Variants in FREM1 observed in about 807,000 individuals in gnomAD.
FREM1 encodes the protein FRAS1-related extracellular matrix protein 1.
Under a neutral mutation model 210.1 loss-of-function variants are expected in FREM1, and 220 were observed. That is an observed-to-expected ratio of 1.05 (90% CI 0.94 to 1.17). FREM1 has a LOEUF of 1.17. FREM1 is among the 50% of genes most tolerant of loss of function. The pLI, the probability that FREM1 is intolerant of heterozygous loss-of-function variation, is 0.00. For missense variants in FREM1, 3,454 were observed against 2,675.5 expected (o/e 1.29, Z -6.42); for synonymous variants, 1,189 against 980.2 (o/e 1.21, Z -3.98).
At position 14,881,053 on chromosome 9, in the gene FREM1, C is replaced by G. The variant is rs564647330; in HGVS notation, c.-267-11809G>C. Among the ~76,000 whole-genome samples the G allele has an allele frequency of 8.5e-5, 13 of 152,268 alleles. No homozygotes were observed. In the South Asian group the frequency reaches 2.7e-3, roughly 32 times the overall value. On this transcript the variant is annotated intron_variant, in intron 1 of 36. Coordinates refer to ENST00000380880, the MANE Select transcript of FREM1 (RefSeq NM_001379081.2). ...TGGGATTTCACCCAACAGTTATCTC[C>G]AAATGGTTGGTCAGCAGTGTGTTTC...
chr9:14,896,327 C>T (rs1176418156), intron 1 of FREM1, among the ~76,000 whole-genome samples: 15 of 152,004 alleles, frequency 9.9e-5, no homozygotes, highest in Admixed American at 2.0e-4. Context: ...GGGCAGATCA[C>T]GAGGTCAGGA....
intron 1 of FREM1, among the ~76,000 whole-genome samples, chr9:14,902,803 T>G (rs558832537): frequency 2.6e-5 from 4 of 152,328 alleles, no homozygotes; most frequent in African/African-American, 7.2e-5. Flanking sequence ...CAGAGTATAT[T>G]ACAAACTGAT....
intron 27 of FREM1, among the ~76,000 whole-genome samples, chr9:14,766,586 T>C (rs1023085912): frequency 6.6e-6 from 1 of 152,156 alleles, no homozygotes; most frequent in African/African-American, 2.4e-5. Flanking sequence ...GTGGAGCATC[T>C]ATTCATCCTT....
intron 21 of FREM1, among the ~76,000 whole-genome samples, chr9:14,795,437 GA>G (rs1326412635): frequency 6.6e-6 from 1 of 152,190 alleles, no homozygotes; most frequent in Non-Finnish European, 1.5e-5. Flanking sequence ...TGAAAAGGGA[GA>G]GACTGAAGAT....
At chr9:14,748,801 A>C (rs896365126) in intron 30 of FREM1, among the ~76,000 whole-genome samples, 162 bp from the exon 31 acceptor site, 1 of 152,172 alleles carries the variant, frequency 6.6e-6, no homozygotes, top group Admixed American at 6.5e-5. Context: ...TTTACTCTTC[A>C]TCAGTTTACA....
chr9:14,872,743 T>G (rs985408339), intron 1 of FREM1, among the ~76,000 whole-genome samples: 7 of 151,078 alleles, frequency 4.6e-5, no homozygotes, highest in African/African-American at 7.3e-5. Flanking sequence ...CCCTGTCCTG[T>G]GCCAGTTTTC....
At chr9:14,778,519 G>A (rs893370779) in intron 24 of FREM1, among the ~76,000 whole-genome samples, 1 of 145,346 alleles carries the variant, frequency 6.9e-6, no homozygotes. Flanking sequence ...GAGGTGGAAG[G>A]ATCACTTGAT....
At chr9:14,743,988 G>A (rs560102005) in intron 35 of FREM1, among the ~76,000 whole-genome samples, 5 of 152,044 alleles carry the variant, frequency 3.3e-5, no homozygotes, top group East Asian at 1.9e-4. Flanking sequence ...TCTTAATGAC[G>A]GAAGAATGTC....
chr9:14,797,672 T>A (rs1375924438), intron 20 of FREM1, 30 bp from the exon 21 acceptor site: 1 of 1,578,100 alleles, frequency 6.3e-7, no homozygotes, highest in Non-Finnish European at 8.7e-7. Context: ...TAAGTAAATC[T>A]TCCTTATGAT....
chr9:14,897,692 G>A (rs1264850778), intron 1 of FREM1, among the ~76,000 whole-genome samples: 9 of 151,884 alleles, frequency 5.9e-5, no homozygotes, highest in Non-Finnish European at 1.2e-4. Flanking sequence ...CTGGGCACAA[G>A]CAATCCTCCC....
chr9:14,896,331 G>A (rs1300530449), intron 1 of FREM1, among the ~76,000 whole-genome samples: 2 of 152,240 alleles, frequency 1.3e-5, no homozygotes, highest in African/African-American at 4.8e-5. Flanking sequence ...AGATCACGAG[G>A]TCAGGAGTTC....
intron 1 of FREM1, among the ~76,000 whole-genome samples, chr9:14,891,464 T>C (rs1271354080): frequency 6.6e-6 from 1 of 152,122 alleles, no homozygotes; most frequent in Admixed American, 6.5e-5. Context: ...CAGGGGAACA[T>C]GTCTGTAGTC....
In FREM1 at chr9:14,859,484, T is replaced by G. The variant is rs1461515390; in HGVS notation, c.330A>C (p.Arg110Ser). 6.2e-7 allele frequency: 1 copy of G among 1,610,552 alleles called. No individual in the cohort carries two copies. Among genetic ancestry groups the G allele is most frequent in the Admixed American group, 1.7e-5 (1 of 59,784 alleles). ...CTATGAAGGTATCTCTTTCAGTAAA[T>G]CTGTGGAGAACACAGGGCAAAAGCA... ...DEDTVKLRLY[R>S]FTERDTFIET... The change falls in exon 4 of 37, where the codon AGA becomes AGC. Residue 110 changes from arginine to serine, a missense_variant and splice_region_variant. Physicochemically the swap from Arg to Ser is moderately radical, Grantham distance 110. Coordinates refer to ENST00000380880, the MANE Select transcript of FREM1 (RefSeq NM_001379081.2).
At chr9:14,770,464 T>C in intron 26 of FREM1, 141 bp downstream of exon 26, 1 of 627,600 alleles carries the variant, frequency 1.6e-6, no homozygotes, top group South Asian at 2.1e-5. Context: ...TTAGGAGCAA[T>C]ATTGATTTAT....
Position 14,773,761 on chromosome 9 carries a change from G to A in FREM1, c.4857+2028C>T, listed in dbSNP as rs141517598. Among the ~76,000 whole-genome samples, 713 of 152,130 alleles carry A rather than the reference G, an allele frequency of 4.7e-3. 17 individuals carry two copies. Among genetic ancestry groups the A allele is most frequent in the Admixed American group, 0.035 (542 of 15,276 alleles). On this transcript the variant is annotated intron_variant, in intron 25 of 36. Transcript: ENST00000380880. ...GCTCTTTAAGATGAGTGTTGGTGTT[G>A]GGAAAGACCTGATTCAAGTTCTGGT...
intron 1 of FREM1, among the ~76,000 whole-genome samples, chr9:14,900,583 G>C (rs938899630): frequency 3.3e-5 from 5 of 152,102 alleles, no homozygotes; most frequent in African/African-American, 1.2e-4. Context: ...TTGGTTGGGG[G>C]AGGGCTGGGA....
At chr9:14,750,358 T>G in intron 29 of FREM1, 82 bp from the exon 30 acceptor site, 1 of 1,123,072 alleles carries the variant, frequency 8.9e-7, no homozygotes, top group East Asian at 2.5e-5. Flanking sequence ...AATTAACATG[T>G]CTACAGCTAG....
intron 15 of FREM1, among the ~76,000 whole-genome samples, chr9:14,816,512 C>G (rs1269762538): frequency 6.6e-6 from 1 of 152,074 alleles, no homozygotes; most frequent in Non-Finnish European, 1.5e-5. Flanking sequence ...GAGGGCTCCA[C>G]CCTCATGAAT....
chr9:14,857,157 T>A (rs1050922921), intron 5 of FREM1, among the ~76,000 whole-genome samples: 1 of 152,028 alleles, frequency 6.6e-6, no homozygotes, highest in Non-Finnish European at 1.5e-5. Context: ...CTCCCCCTAG[T>A]TTCCTGTGAC....
Sources: allele counts gnomAD v4.1 joint callset (sites outside exome capture counted in the v4.1 genomes callset), GRCh38; gene constraint gnomAD v4.1.1; transcripts MANE v1.5; gene names NCBI Gene and HGNC (gene_info 2026-07-23, HGNC 2026-07-21).